Variants in LUC7L3 observed in about 807,000 individuals in gnomAD.
The protein encoded by LUC7L3 is luc7-like protein 3.
LUC7L3 carries 6 observed loss-of-function variants against 66.8 expected under a neutral mutation model. That is an observed-to-expected ratio of 0.09 (90% confidence interval 0.05 to 0.18). The LOEUF is 0.18. Among genes scored for constraint, LUC7L3 ranks in the 10% least tolerant of loss-of-function variants. The probability of loss-of-function intolerance (pLI) is 1.00; values close to 1 mark genes in which losing one functional copy is unlikely to be tolerated. For missense variants in LUC7L3, 341 were observed against 531.1 expected (o/e 0.64, Z 3.52); for synonymous variants, 160 against 174.7 (o/e 0.92, Z 0.66).
rs551532546 is a variant in LUC7L3 at position 50,724,674 on chromosome 17, C to T, written c.99+4843C>T. The stretch of plus-strand genomic sequence containing the variant: ...TTATATATGTTATTAGCCTTGATTT[C>T]CTCACAAAAGGAGAAGGTAGCTTAA... On this transcript the variant is annotated intron_variant, in intron 1 of 9. Coordinates refer to ENST00000505658, the MANE Select transcript of LUC7L3 (RefSeq NM_016424.5). Among the ~76,000 whole-genome samples, 20 of 148,370 alleles carry T rather than the reference C, an allele frequency of 1.3e-4. No homozygotes were observed. In the South Asian group the frequency reaches 4.0e-3, roughly 30 times the overall value.
chr17:50,745,806 A>G lies in LUC7L3; in HGVS notation c.780A>G (p.Glu260=), dbSNP rs1365153050. 4 of 1,593,012 alleles carry G rather than the reference A, an allele frequency of 2.5e-6. No homozygotes were observed. Among genetic ancestry groups the G allele is most frequent in the Non-Finnish European group, 3.4e-6 (4 of 1,165,088 alleles). Residue 260 remains glutamate (E), a synonymous_variant, in exon 8 of 10, where the codon GAA becomes GAG. Transcript: ENST00000505658. Reference sequence around the variant, plus strand: ...AAGAAAGAGAAGAAAGAGAAAAAGAACGGGAGAGAGAAAGGGAAGAAAGAG... The same window carrying G: ...AAGAAAGAGAAGAAAGAGAAAAAGAGCGGGAGAGAGAAAGGGAAGAAAGAG... ...EKQEREEREK[E]REREREERER...
chr17:50,750,261 G>C (rs974042319), intron 9 of LUC7L3, among the ~76,000 whole-genome samples: 1 of 152,000 alleles, frequency 6.6e-6, no homozygotes, highest in Non-Finnish European at 1.5e-5. Context: ...GTGCTTAATA[G>C]CTTCTCACCA....
rs150983062 is a variant in LUC7L3 at position 50,745,263 on chromosome 17, C to T, written c.693+450C>T. 2.5e-3 allele frequency among the ~76,000 whole-genome samples: 381 copies of T among 152,142 alleles called. 3 individuals are homozygous for T. In the South Asian group the frequency reaches 0.031, roughly 12 times the overall value. ...CTCCTCAGCCTCCCAAAGTGCTGAG[C>T]CACTGCGCTCGGCCAGCGTAAATTT... On this transcript the variant is annotated intron_variant, in intron 7 of 9. Transcript: ENST00000505658.
intron 2 of LUC7L3, 68 bp from the exon 3 acceptor site, chr17:50,740,237 CT>C (rs3214295): frequency 2.4e-4 from 270 of 1,133,966 alleles, no homozygotes; most frequent in African/African-American, 3.7e-4. Flanking sequence ...AAAAATAACT[CT>C]TTTTTTTTGG....
At chr17:50,728,647 A>G (rs1969359161) in intron 1 of LUC7L3, among the ~76,000 whole-genome samples, 1 of 152,146 alleles carries the variant, frequency 6.6e-6, no homozygotes, top group East Asian at 1.9e-4. Flanking sequence ...TCCGCTTCCC[A>G]GGTTCAAGCG....
At chr17:50,723,825 G>A (rs992432747) in intron 1 of LUC7L3, 2 of 352,650 alleles carry the variant, frequency 5.7e-6, no homozygotes, top group African/African-American at 4.4e-5. Context: ...TTAGTCGACA[G>A]GGTTTTGCCA....
intron 5 of LUC7L3, 23 bp downstream of exon 5, chr17:50,741,754 T>G: frequency 6.3e-7 from 1 of 1,574,828 alleles, no homozygotes; most frequent in Non-Finnish European, 8.7e-7. Context: ...TGCATTAATG[T>G]CAGGAAGTAA....
chr17:50,721,975 T>G (rs566041830), intron 1 of LUC7L3: 22 of 152,066 alleles, frequency 1.4e-4, no homozygotes, highest in African/African-American at 5.3e-4. Context: ...TAAAAGACAG[T>G]TGCCGTGGCA....
chr17:50,724,090 G>C, intron 1 of LUC7L3: 1 of 355,582 alleles, frequency 2.8e-6, no homozygotes, highest in Non-Finnish European at 5.8e-6. Context: ...AACTCCCCAT[G>C]TACCCATGCC....
intron 1 of LUC7L3, among the ~76,000 whole-genome samples, chr17:50,730,941 AAAAAAT>A (rs911280015): frequency 1.1e-4 from 16 of 152,302 alleles, no homozygotes; most frequent in African/African-American, 3.6e-4. Context: ...CTCTGTCTCA[AAAAAAT>A]AAAAATAAAA....
Position 50,750,913 on chromosome 17 carries a change from T to G in LUC7L3, c.*252T>G. On this transcript the variant is annotated 3_prime_UTR_variant, in exon 10 of 10. Coordinates refer to ENST00000505658, the MANE Select transcript of LUC7L3 (RefSeq NM_016424.5). Reference sequence around the variant, plus strand: ...TCGTGCCCCCATTAGTGTGCCTCTTTGGAAATTATCGCCCACATTTGTAAT... The same window carrying G: ...TCGTGCCCCCATTAGTGTGCCTCTTGGGAAATTATCGCCCACATTTGTAAT... 6.5e-7 allele frequency: 1 copy of G among 1,535,512 alleles called. No homozygotes were observed. Among genetic ancestry groups the G allele is most frequent in the Admixed American group, 2.0e-5 (1 of 50,862 alleles).
At chr17:50,740,974 A>G (rs1970313893) in intron 3 of LUC7L3, 128 bp from the exon 4 acceptor site, 3 of 869,386 alleles carry the variant, frequency 3.5e-6, no homozygotes, top group Admixed American at 1.9e-5. Context: ...TCAGAAAGTC[A>G]CTTCAAATAC....
intron 6 of LUC7L3, 75 bp from the exon 7 acceptor site, chr17:50,744,577 C>T: frequency 2.2e-6 from 3 of 1,359,774 alleles, no homozygotes; most frequent in South Asian, 1.4e-5. Context: ...GAAATCTTTT[C>T]TAAATGTTGA....
At chr17:50,727,817 T>G (rs1468368382) in intron 1 of LUC7L3, among the ~76,000 whole-genome samples, 1 of 151,998 alleles carries the variant, frequency 6.6e-6, no homozygotes, top group Non-Finnish European at 1.5e-5. Flanking sequence ...TTTAAATAGT[T>G]TTTATAGGCC....
At chr17:50,720,927 A>G (rs572514710) in intron 1 of LUC7L3, among the ~76,000 whole-genome samples, 14 of 152,338 alleles carry the variant, frequency 9.2e-5, no homozygotes, top group Admixed American at 3.9e-4. Flanking sequence ...ATTCCAAAGT[A>G]GTATGAAACA....
intron 4 of LUC7L3, 103 bp downstream of exon 4, chr17:50,741,349 C>A: frequency 1.7e-6 from 2 of 1,189,166 alleles, no homozygotes; most frequent in Non-Finnish European, 1.2e-6. Context: ...TTACTTTGTT[C>A]TTTAAAATGA....
rs1971070946 is a variant in LUC7L3 at position 50,754,329 on chromosome 17, C to CATG, written c.*3670_*3672dup. Reference sequence around the variant, plus strand: ...CTGTTAACTCATCACCAACAAGACTCATGACCACTTTTATACTTCATGAGT... The same window carrying CATG: ...CTGTTAACTCATCACCAACAAGACTCATGATGACCACTTTTATACTTCATGAGT... On this transcript the variant is annotated 3_prime_UTR_variant, in exon 10 of 10. Coordinates refer to ENST00000505658, the MANE Select transcript of LUC7L3 (RefSeq NM_016424.5). 1 of 152,158 alleles carries CATG rather than the reference C, an allele frequency of 6.6e-6. No individual in the cohort carries two copies. Among genetic ancestry groups the CATG allele is most frequent in the South Asian group, 2.1e-4 (1 of 4,826 alleles). 9.4% of individuals were successfully genotyped at this position (152,158 alleles called of 1,614,324 possible). A position where few individuals can be genotyped will look rare whatever the true frequency, so the allele number is the denominator to read the frequency against.
rs551149520 is a variant in LUC7L3, at chr17:50,750,886, A to G, written c.*225A>G. The G allele has an allele frequency of 4.6e-6, 7 of 1,536,162 alleles. No individual in the cohort carries two copies. The highest frequency in any genetic ancestry group is 2.4e-5 in the East Asian group (1 of 40,900). The stretch of plus-strand genomic sequence containing the variant: ...TTTTGTCTCAGCTATTTTGTAGCAG[A>G]CTCGTGCCCCCATTAGTGTGCCTCT... On this transcript the variant is annotated 3_prime_UTR_variant, in exon 10 of 10. Coordinates refer to ENST00000505658, the MANE Select transcript of LUC7L3 (RefSeq NM_016424.5).
intron 9 of LUC7L3, among the ~76,000 whole-genome samples, chr17:50,748,144 T>C (rs904436714): frequency 6.6e-6 from 1 of 152,216 alleles, no homozygotes; most frequent in Non-Finnish European, 1.5e-5. Flanking sequence ...GGTTGGTTCT[T>C]AGGGATAAAA....
Sources: gnomAD v4.1 joint callset for allele counts (sites outside exome capture counted in the v4.1 genomes callset) on GRCh38, gnomAD v4.1.1 for gene constraint, MANE v1.5 for transcripts, NCBI Gene and HGNC (gene_info 2026-07-23, HGNC 2026-07-21) for gene names.